The following TEAD1 variants were observed in gnomAD, a reference collection of about 807,000 sequenced individuals.
The protein encoded by TEAD1 is transcriptional enhancer factor TEF-1.
Under a neutral mutation model 54.9 loss-of-function variants are expected in TEAD1, and 9 were observed. The ratio of observed to expected loss-of-function variants is 0.16; its 90% confidence interval spans 0.10 to 0.29. TEAD1 has a LOEUF of 0.29. TEAD1 is among the 10% of genes least tolerant of loss of function. TEAD1 has a pLI of 1.00. For synonymous variants in TEAD1, 200 were observed against 187.8 expected (o/e 1.07, Z -0.53); for missense variants, 387 against 535.9 (o/e 0.72, Z 2.74).
At chr11:12,879,647 T>C (rs780009712) in intron 5 of TEAD1, 61 bp from the exon 6 acceptor site, 3 of 1,611,774 alleles carry the variant, frequency 1.9e-6, no homozygotes, top group East Asian at 4.5e-5. Flanking sequence ...GCTGTGCCTG[T>C]GTAACCTGCC....
intron 2 of TEAD1, among the ~76,000 whole-genome samples, chr11:12,685,566 G>C (rs1421307857): frequency 2.0e-5 from 3 of 152,072 alleles, no homozygotes; most frequent in African/African-American, 4.8e-5. Flanking sequence ...CTAATAAGAA[G>C]AGTTTCTACC....
intron 2 of TEAD1, among the ~76,000 whole-genome samples, chr11:12,724,531 ACT>A (rs1381906447): frequency 6.6e-6 from 1 of 152,174 alleles, no homozygotes; most frequent in African/African-American, 2.4e-5. Context: ...AGTGCTGATG[ACT>A]CATCCTCTGA....
At chr11:12,810,490 A>G (rs1257118200) in intron 3 of TEAD1, among the ~76,000 whole-genome samples, 2 of 152,146 alleles carry the variant, frequency 1.3e-5, no homozygotes, top group African/African-American at 4.8e-5. Flanking sequence ...CTCCTTGCCC[A>G]CAGGACAGCC....
At chr11:12,738,018 C>T (rs527795042) in intron 2 of TEAD1, among the ~76,000 whole-genome samples, 19 of 152,196 alleles carry the variant, frequency 1.2e-4, no homozygotes, top group South Asian at 8.3e-4. Flanking sequence ...ATAAAACCGT[C>T]GGATCTCATG....
chr11:12,706,994 C>G (rs1199255863), intron 2 of TEAD1, among the ~76,000 whole-genome samples: 2 of 152,124 alleles, frequency 1.3e-5, no homozygotes, highest in African/African-American at 4.8e-5. Context: ...CTGTTTTACC[C>G]TCGTATGTCT....
In TEAD1 at chr11:12,940,114, A is replaced by G. The variant is rs1228752130; in HGVS notation, c.*2892A>G. 1 of 152,230 alleles carries G rather than the reference A, an allele frequency of 6.6e-6. No homozygotes were observed. Among genetic ancestry groups the G allele is most frequent in the East Asian group, 1.9e-4 (1 of 5,194 alleles). The allele number at this position is 152,230 out of a possible 1,614,324, so 9.4% of individuals were successfully genotyped here. A position where few individuals can be genotyped will look rare whatever the true frequency, so the allele number is the denominator to read the frequency against. On this transcript the variant is annotated 3_prime_UTR_variant, in exon 13 of 13. Transcript: ENST00000527636. Reference sequence around the variant, plus strand: ...AGCCTAAACAGGGAGGAGCTGCAGAATGGGGCTCTGGTCTCTGGGCATTCA... The same window carrying G: ...AGCCTAAACAGGGAGGAGCTGCAGAGTGGGGCTCTGGTCTCTGGGCATTCA...
At chr11:12,749,504 T>G (rs780922086) in intron 2 of TEAD1, among the ~76,000 whole-genome samples, 3 of 152,180 alleles carry the variant, frequency 2.0e-5, no homozygotes, top group Non-Finnish European at 4.4e-5. Context: ...TTTGCATATT[T>G]TACTGAATTC....
intron 2 of TEAD1, among the ~76,000 whole-genome samples, chr11:12,757,767 CT>C (rs1352595749): frequency 3.3e-5 from 5 of 152,062 alleles, no homozygotes; most frequent in Non-Finnish European, 7.4e-5. Context: ...TTGGTTCATT[CT>C]TTTTTTATTT....
intron 12 of TEAD1, among the ~76,000 whole-genome samples, chr11:12,931,284 C>T (rs1377927031): frequency 6.6e-6 from 1 of 152,138 alleles, no homozygotes; most frequent in African/African-American, 2.4e-5. Context: ...TTGTTAGGAA[C>T]AATGTCATCC....
chr11:12,725,933 A>G (rs991931317), intron 2 of TEAD1, among the ~76,000 whole-genome samples: 2 of 152,234 alleles, frequency 1.3e-5, no homozygotes, highest in Admixed American at 6.5e-5. Context: ...TGAGGAAACT[A>G]TGGCCTAGAG....
Position 12,887,773 on chromosome 11 carries a change from C to T in TEAD1, c.699+4648C>T, listed in dbSNP as rs111467320. Among the ~76,000 whole-genome samples, 60 of 152,286 alleles carry T rather than the reference C, an allele frequency of 3.9e-4. 1 individual carries two copies. Among genetic ancestry groups the T allele is most frequent in the Middle Eastern group, 6.8e-3 (2 of 294 alleles). On this transcript the variant is annotated intron_variant, in intron 9 of 12. Transcript: ENST00000527636. ...CCATCTAAGATAAACTCAGCTGATA[C>T]ATTTTAACAAATTTGGGCATACAGT...
At position 12,717,580 on chromosome 11, in the gene TEAD1, G is replaced by T. The variant is rs774283647; in HGVS notation, c.-55+42019G>T. On this transcript the variant is annotated intron_variant, in intron 2 of 12. Coordinates refer to ENST00000527636, the MANE Select transcript of TEAD1 (RefSeq NM_021961.6). ...GTTTGCCTTAATACACGATCTTCCT[G>T]CAGTAACCCAATAATGGAAGTGGAA... 9.8e-5 allele frequency among the ~76,000 whole-genome samples: 15 copies of T among 152,294 alleles called. 1 individual carries two copies. The South Asian group carries it at 1.7e-3, about 17-fold the overall frequency.
chr11:12,880,901 G>A, intron 6 of TEAD1, 104 bp from the exon 7 acceptor site: 1 of 1,290,842 alleles, frequency 7.7e-7, no homozygotes, highest in Non-Finnish European at 1.1e-6. Flanking sequence ...TCTGTTGGGT[G>A]ATCGAACCTG....
chr11:12,927,489 T>G (rs1948924373), intron 11 of TEAD1, among the ~76,000 whole-genome samples: 1 of 152,222 alleles, frequency 6.6e-6, no homozygotes. Flanking sequence ...CGAGTCAGGC[T>G]CACTATTCTT....
intron 11 of TEAD1, among the ~76,000 whole-genome samples, chr11:12,926,147 G>A (rs1327769708): frequency 1.3e-5 from 2 of 152,166 alleles, no homozygotes. Context: ...AGACCTTTCA[G>A]GTTCAAGAGC....
chr11:12,822,032 C>T (rs1946562075), intron 3 of TEAD1, among the ~76,000 whole-genome samples: 1 of 130,950 alleles, frequency 7.6e-6, no homozygotes, highest in Admixed American at 9.1e-5. Context: ...GGCGCGATCT[C>T]CGCTCACTGC....
At chr11:12,873,460 C>T (rs529640094) in intron 5 of TEAD1, among the ~76,000 whole-genome samples, 1 of 152,154 alleles carries the variant, frequency 6.6e-6, no homozygotes, top group African/African-American at 2.4e-5. Flanking sequence ...TTATAAAATA[C>T]CAAATATAGC....
intron 5 of TEAD1, among the ~76,000 whole-genome samples, chr11:12,878,588 T>G (rs1206936258): frequency 1.3e-5 from 2 of 152,026 alleles, no homozygotes; most frequent in Non-Finnish European, 2.9e-5. Context: ...TTTCTCTGTC[T>G]GTCCTGGGGA....
At chr11:12,724,787 C>T (rs972549236) in intron 2 of TEAD1, among the ~76,000 whole-genome samples, 1 of 152,180 alleles carries the variant, frequency 6.6e-6, no homozygotes, top group Non-Finnish European at 1.5e-5. Context: ...TCCTCCTCGC[C>T]CCTCCTTTCC....
Sources: gnomAD v4.1 joint callset for allele counts (sites outside exome capture counted in the v4.1 genomes callset) on GRCh38, gnomAD v4.1.1 for gene constraint, MANE v1.5 for transcripts, NCBI Gene and HGNC (gene_info 2026-07-23, HGNC 2026-07-21) for gene names.